Variants in UQCC6 observed in about 807,000 individuals in gnomAD.
UQCC6 encodes the protein ubiquinol-cytochrome c reductase complex assembly factor 6.
At chr12:103,961,725 T>G in the UQCC6 span, among the ~76,000 whole-genome samples, 1 of 151,722 alleles carries the variant, frequency 6.6e-6, no homozygotes, top group Non-Finnish European at 1.5e-5. Context: ...CCCAGCTAAG[T>G]TTTCTTTGTA....
At chr12:103,951,527 T>C in the UQCC6 span, 7 of 1,509,468 alleles carry the variant, frequency 4.6e-6, no homozygotes, top group Non-Finnish European at 6.3e-6. Context: ...GCATAGTTAT[T>C]TAAGTTCCTC....
chr12:103,951,671 T>C, the UQCC6 span: 2 of 1,120,686 alleles, frequency 1.8e-6, no homozygotes, highest in Non-Finnish European at 2.6e-6. Flanking sequence ...TGTCTAACCC[T>C]TAATAAGGCT....
At chr12:103,963,987 CA>C in the UQCC6 span, among the ~76,000 whole-genome samples, 1 of 151,780 alleles carries the variant, frequency 6.6e-6, no homozygotes, top group African/African-American at 2.4e-5. Flanking sequence ...TCTGGTGGGC[CA>C]GGTTCACAAG....
chr12:103,951,503 T>C, the UQCC6 span: 1 of 1,297,518 alleles, frequency 7.7e-7, no homozygotes, highest in South Asian at 1.3e-5. Context: ...CTTATATTAT[T>C]CACAGAATTC....
the UQCC6 span, among the ~76,000 whole-genome samples, chr12:103,959,920 C>T: frequency 1.4e-5 from 2 of 146,566 alleles, no homozygotes; most frequent in Non-Finnish European, 1.5e-5. Context: ...TACAGGCACA[C>T]GCCACCATGC....
the UQCC6 span, among the ~76,000 whole-genome samples, chr12:103,961,325 G>A: frequency 6.6e-6 from 1 of 152,160 alleles, no homozygotes; most frequent in Admixed American, 6.5e-5. Context: ...TAAAGTTACA[G>A]AAAGCTAAGG....
the UQCC6 span, chr12:103,956,694 T>A: frequency 1.9e-6 from 3 of 1,551,722 alleles, no homozygotes; most frequent in Non-Finnish European, 2.6e-6. Flanking sequence ...GGAGACTGGC[T>A]GCGAACATTT....
At chr12:103,962,010 G>A in the UQCC6 span, among the ~76,000 whole-genome samples, 12 of 152,160 alleles carry the variant, frequency 7.9e-5, 1 homozygote, top group Admixed American at 3.9e-4. Flanking sequence ...GTATACAGTA[G>A]GCTGTACCAT....
chr12:103,961,550 TTGTTGTTGTTG>T, the UQCC6 span, among the ~76,000 whole-genome samples: 1 of 149,340 alleles, frequency 6.7e-6, no homozygotes, highest in African/African-American at 2.6e-5. Context: ...GTTGTTGTTG[TTGTTGTTGTTG>T]TTGTTGTTGT....
At chr12:103,959,333 T>C in the UQCC6 span, among the ~76,000 whole-genome samples, 1 of 152,246 alleles carries the variant, frequency 6.6e-6, no homozygotes, top group African/African-American at 2.4e-5. Flanking sequence ...TATAGAAGTC[T>C]TTCTGAGAAC....
the UQCC6 span, chr12:103,957,395 C>T: frequency 6.6e-6 from 1 of 152,036 alleles, no homozygotes; most frequent in East Asian, 1.9e-4. Context: ...TTAAATTTTC[C>T]TGGCAGATGT....
the UQCC6 span, chr12:103,956,801 G>A: frequency 8.3e-7 from 1 of 1,205,478 alleles, no homozygotes; most frequent in Non-Finnish European, 1.2e-6. Context: ...CGACTACACC[G>A]CGCCAGGGCT....
At chr12:103,956,643 G>C in the UQCC6 span, 1 of 1,550,102 alleles carries the variant, frequency 6.5e-7, no homozygotes, top group South Asian at 1.2e-5. Flanking sequence ...GGTCCGGTCG[G>C]TAGTACCTGT....
At chr12:103,956,341 A>G in the UQCC6 span, 1 of 282,936 alleles carries the variant, frequency 3.5e-6, no homozygotes, top group South Asian at 6.7e-5. Context: ...TTAACAGGGG[A>G]AAGAACTGGT....
At chr12:103,964,414 G>C in the UQCC6 span, among the ~76,000 whole-genome samples, 10 of 152,040 alleles carry the variant, frequency 6.6e-5, no homozygotes, top group South Asian at 8.3e-4. Flanking sequence ...CACCACGCCC[G>C]GCCTCCTCAC....
At chr12:103,958,003 A>T in the UQCC6 span, among the ~76,000 whole-genome samples, 3 of 139,000 alleles carry the variant, frequency 2.2e-5, no homozygotes, top group East Asian at 4.6e-4. Flanking sequence ...TTTATAATAT[A>T]TATTTATTTT....
At chr12:103,957,027 G>C in the UQCC6 span, 1 of 429,274 alleles carries the variant, frequency 2.3e-6, no homozygotes, top group East Asian at 4.4e-5. Context: ...TGATCAGCAA[G>C]CGGAAAACCG....
chr12:103,951,862 TCA>T, the UQCC6 span, among the ~76,000 whole-genome samples: 1 of 152,202 alleles, frequency 6.6e-6, no homozygotes, highest in Non-Finnish European at 1.5e-5. Context: ...ACTGCAGGAC[TCA>T]CAAAGGATAG....
the UQCC6 span, among the ~76,000 whole-genome samples, chr12:103,964,770 T>C: frequency 6.6e-6 from 1 of 152,200 alleles, no homozygotes; most frequent in Non-Finnish European, 1.5e-5. Context: ...TCAACATATA[T>C]TCATTGAATA....
Sources: allele counts gnomAD v4.1 joint callset (sites outside exome capture counted in the v4.1 genomes callset), GRCh38; gene constraint gnomAD v4.1.1; transcripts MANE v1.5; gene names NCBI Gene and HGNC (gene_info 2026-07-23, HGNC 2026-07-21).